LPP: variants seen among roughly 807,000 people sequenced by gnomAD.
The protein encoded by LPP is LIM domain containing preferred translocation partner in lipoma.
In LPP, 38 loss-of-function variants were observed where a neutral mutation model predicts 60.4. The ratio of observed to expected loss-of-function variants is 0.63; its 90% CI spans 0.49 to 0.83. The LOEUF is 0.83. Ranked by LOEUF, LPP falls within the 40% of genes least tolerant of loss-of-function variation. The probability of loss-of-function intolerance (pLI) is 0.00; values close to 1 mark genes in which losing one functional copy is unlikely to be tolerated. For synonymous variants in LPP, 328 were observed against 290.8 expected (o/e 1.13, Z -1.30); for missense variants, 902 against 783.6 (o/e 1.15, Z -1.80).
Position 188,609,188 on chromosome 3 carries a change from C to A in LPP, c.457C>A (p.Pro153Thr), listed in dbSNP as rs780877086. Residue 153 changes from proline (P) to threonine (T), a missense_variant, in exon 7 of 12, where the codon CCA becomes ACA. Coordinates refer to ENST00000617246, the MANE Select transcript of LPP (RefSeq NM_001375462.1). This position sits in a 1 kb window ranked among gnomAD's most constrained non-coding sequence, Gnocchi z 6.9. ...QSSTGSTASP[P>T]VSTPVTGHKR... ...CTCCACTGGTTCAACAGCCTCTCCT[C>A]CAGTTTCGACCCCAGTCACAGGACA... 1.6e-5 allele frequency: 26 copies of A among 1,613,002 alleles called. No individual in the cohort carries two copies. Among genetic ancestry groups the A allele is most frequent in the Non-Finnish European group, 2.2e-5 (26 of 1,179,358 alleles).
chr3:188,719,852 T>C (rs1329940970), intron 8 of LPP, among the ~76,000 whole-genome samples: 1 of 152,222 alleles, frequency 6.6e-6, no homozygotes, highest in African/African-American at 2.4e-5. Context: ...ATTAATTGAC[T>C]GTCAGCAAAG....
At chr3:188,457,694 C>T (rs1798032556) in intron 4 of LPP, among the ~76,000 whole-genome samples, 1 of 150,084 alleles carries the variant, frequency 6.7e-6, no homozygotes, top group African/African-American at 2.5e-5. Context: ...AGATCGAGAT[C>T]ATCCTGGCTA....
intron 5 of LPP, among the ~76,000 whole-genome samples, chr3:188,517,502 A>C (rs1817689488): frequency 6.6e-6 from 1 of 152,190 alleles, no homozygotes; most frequent in Non-Finnish European, 1.5e-5. Flanking sequence ...GGAGGTATTT[A>C]GGTCCCTCAT....
At chr3:188,436,894 T>A (rs747235430) in intron 4 of LPP, among the ~76,000 whole-genome samples, 59 of 151,982 alleles carry the variant, frequency 3.9e-4, no homozygotes, top group Non-Finnish European at 7.5e-4. Context: ...ACGGCCAGCT[T>A]TAATGGAGAC....
chr3:188,861,446 A>G (rs570991876), intron 9 of LPP, among the ~76,000 whole-genome samples: 7 of 152,206 alleles, frequency 4.6e-5, no homozygotes, highest in Non-Finnish European at 1.0e-4. Flanking sequence ...AAATGGCAGT[A>G]ATCACTTTAT....
intron 5 of LPP, among the ~76,000 whole-genome samples, chr3:188,490,261 G>A (rs988337850): frequency 2.0e-5 from 3 of 152,164 alleles, no homozygotes; most frequent in Non-Finnish European, 4.4e-5. Flanking sequence ...CATGAGCTAT[G>A]CCCAGAATTA....
At chr3:188,188,913 A>G (rs1041090746) in intron 1 of LPP, among the ~76,000 whole-genome samples, 1 of 152,082 alleles carries the variant, frequency 6.6e-6, no homozygotes, top group African/African-American at 2.4e-5. Context: ...TCATAGATGA[A>G]CACTGATCAT....
intron 8 of LPP, among the ~76,000 whole-genome samples, chr3:188,740,312 T>C (rs1160743346): frequency 6.6e-6 from 1 of 152,090 alleles, no homozygotes; most frequent in Non-Finnish European, 1.5e-5. Context: ...GACTTTAGAG[T>C]GTACTTCTAA....
intron 1 of LPP, among the ~76,000 whole-genome samples, chr3:188,157,692 A>C (rs1292625162): frequency 6.6e-6 from 1 of 151,370 alleles, no homozygotes. Context: ...TGTGAGGGGG[A>C]GGGAAAAAGG....
chr3:188,193,102 A>G (rs1051876674), intron 1 of LPP, among the ~76,000 whole-genome samples: 1 of 152,142 alleles, frequency 6.6e-6, no homozygotes, highest in African/African-American at 2.4e-5. Context: ...AATCAATAAC[A>G]TGTTCCTGGT....
intron 8 of LPP, chr3:188,759,564 G>A (rs1234896308): frequency 6.5e-6 from 1 of 154,186 alleles, no homozygotes; most frequent in Non-Finnish European, 1.4e-5. Flanking sequence ...AGCCATCAAA[G>A]CGATCTAGAA....
At chr3:188,496,638 T>C (rs1333873190) in intron 5 of LPP, among the ~76,000 whole-genome samples, 1 of 152,160 alleles carries the variant, frequency 6.6e-6, no homozygotes, top group Admixed American at 6.5e-5. Context: ...CATTTCTCTC[T>C]CCATTGCCAT....
intron 8 of LPP, among the ~76,000 whole-genome samples, chr3:188,719,949 G>C (rs111758477): frequency 6.6e-6 from 1 of 152,100 alleles, no homozygotes; most frequent in Admixed American, 6.5e-5. Flanking sequence ...GTCTTGCTCC[G>C]TCGCCCAGGT....
intron 8 of LPP, chr3:188,743,842 C>T (rs545046386): frequency 6.6e-6 from 1 of 152,196 alleles, no homozygotes; most frequent in East Asian, 1.9e-4. Context: ...TTTTCCCATC[C>T]TCATTTACTC....
At chr3:188,635,924 T>A (rs531814342) in intron 7 of LPP, among the ~76,000 whole-genome samples, 1 of 152,364 alleles carries the variant, frequency 6.6e-6, no homozygotes, top group South Asian at 2.1e-4. Context: ...TTGCAAGTAA[T>A]AAACTCTTTG....
intron 5 of LPP, among the ~76,000 whole-genome samples, chr3:188,489,922 T>C (rs1478241205): frequency 6.6e-6 from 1 of 152,238 alleles, no homozygotes; most frequent in Admixed American, 6.5e-5. Flanking sequence ...AGTATTTGCA[T>C]ACCTCTGGTT....
intron 7 of LPP, among the ~76,000 whole-genome samples, chr3:188,663,749 G>A (rs573926698): frequency 6.6e-5 from 10 of 152,198 alleles, no homozygotes; most frequent in African/African-American, 2.4e-4. Context: ...GTTTTTCCAC[G>A]AACCCAGGGT....
At chr3:188,745,397 A>G (rs937887211) in intron 8 of LPP, among the ~76,000 whole-genome samples, 3 of 152,182 alleles carry the variant, frequency 2.0e-5, no homozygotes, top group Non-Finnish European at 4.4e-5. Context: ...TCAATCTTAC[A>G]GGAAGTTACA....
At position 188,340,118 on chromosome 3, in the gene LPP, G is replaced by A. The variant is rs1043145459; in HGVS notation, c.-66-1545G>A. ...CTTCAAATAGCAATTGGGAGGCTAC[G>A]TCATGTAGTAGGAGGGTGCTTACTG... On this transcript the variant is annotated intron_variant, in intron 2 of 11. Coordinates refer to ENST00000617246, the MANE Select transcript of LPP (RefSeq NM_001375462.1). 1.3e-5 allele frequency among the ~76,000 whole-genome samples: 2 copies of A among 152,166 alleles called. 1 individual carries two copies. Among genetic ancestry groups the A allele is most frequent in the South Asian group, 4.1e-4 (2 of 4,836 alleles).
Sources: allele counts gnomAD v4.1 joint callset (sites outside exome capture counted in the v4.1 genomes callset), GRCh38; gene constraint gnomAD v4.1.1; non-coding constraint Gnocchi (gnomAD v3.1); transcripts MANE v1.5; gene names NCBI Gene and HGNC (gene_info 2026-07-23, HGNC 2026-07-21).